SLC38A9: variants seen among roughly 807,000 people sequenced by gnomAD.
SLC38A9 encodes solute carrier family 38 member 9.
In SLC38A9, 48 loss-of-function variants were observed where a neutral mutation model predicts 62.3. The observed-to-expected ratio is 0.77, with a 90% CI of 0.61 to 0.98. The LOEUF is 0.98. Ranked by LOEUF, SLC38A9 falls within the 50% of genes least tolerant of loss-of-function variation. The pLI, the probability that SLC38A9 is intolerant of heterozygous loss-of-function variation, is 0.00. For synonymous variants in SLC38A9, 204 were observed against 227.7 expected (o/e 0.90, Z 0.94); for missense variants, 541 against 679.8 (o/e 0.80, Z 2.27).
intron 3 of SLC38A9, chr5:55,691,440 C>A: frequency 9.9e-7 from 1 of 1,008,240 alleles, no homozygotes; most frequent in Non-Finnish European, 1.3e-6. Context: ...ATCCCTAGGC[C>A]CTGGGGAAAA....
Position 55,652,575 on chromosome 5 carries a change from C to A in SLC38A9, c.906G>T (p.Leu302=). Reference sequence around the variant, plus strand: ...AAAATGAAGGAGACTTGAAATTGAGCAGTGGGAGGAGGAGCCCTACAAGAT... The same window carrying A: ...AAAATGAAGGAGACTTGAAATTGAGAAGTGGGAGGAGGAGCCCTACAAGAT... The part of the protein sequence containing the change: ...PFYLVGLLLP[L]LNFKSPSFFS... The change falls in exon 10 of 16, where the codon CTG becomes CTT. Residue 302 remains leucine (L), a synonymous_variant. Transcript: ENST00000396865. 2 of 1,606,600 alleles carry A rather than the reference C, an allele frequency of 1.2e-6. No homozygotes were observed. Among genetic ancestry groups the A allele is most frequent in the Non-Finnish European group, 1.7e-6 (2 of 1,176,462 alleles).
At chr5:55,710,856 G>A (rs1757936974) in intron 2 of SLC38A9, among the ~76,000 whole-genome samples, 1 of 151,578 alleles carries the variant, frequency 6.6e-6, no homozygotes, top group South Asian at 2.1e-4. Flanking sequence ...TTGACCTCGT[G>A]ATCTGCCTGC....
At chr5:55,664,255 G>C (rs1047217111) in intron 8 of SLC38A9, among the ~76,000 whole-genome samples, 3 of 152,004 alleles carry the variant, frequency 2.0e-5, no homozygotes, top group African/African-American at 7.2e-5. Context: ...TAGCTGATTT[G>C]GGTAAATTAT....
chr5:55,692,183 A>C (rs1286905650), intron 3 of SLC38A9, among the ~76,000 whole-genome samples: 1 of 152,238 alleles, frequency 6.6e-6, no homozygotes, highest in Non-Finnish European at 1.5e-5. Context: ...TTAGAAAAAA[A>C]GCATAAACAA....
At chr5:55,632,377 G>T (rs867173205) in intron 14 of SLC38A9, among the ~76,000 whole-genome samples, 1 of 152,316 alleles carries the variant, frequency 6.6e-6, no homozygotes, top group African/African-American at 2.4e-5. Context: ...GGTGGAGCTT[G>T]CAGTGAGCCG....
intron 3 of SLC38A9, among the ~76,000 whole-genome samples, chr5:55,686,989 A>C (rs1452669849): frequency 6.7e-6 from 1 of 150,368 alleles, no homozygotes; most frequent in Non-Finnish European, 1.5e-5. Flanking sequence ...CTGTTCTTGT[A>C]CCAGTACCAT....
intron 8 of SLC38A9, among the ~76,000 whole-genome samples, chr5:55,660,567 T>G (rs1749346974): frequency 6.6e-6 from 1 of 152,216 alleles, no homozygotes; most frequent in African/African-American, 2.4e-5. Context: ...AATTAAGACT[T>G]GTTTATTTCA....
Position 55,626,060 on chromosome 5 carries a change from C to A in SLC38A9, c.*434G>T, listed in dbSNP as rs964317752. The A allele has an allele frequency of 6.5e-6, 1 of 154,428 alleles. No individual in the cohort carries two copies. Among genetic ancestry groups the A allele is most frequent in the African/African-American group, 2.4e-5 (1 of 41,426 alleles). The allele number at this position is 154,428 out of a possible 1,614,324, so 9.6% of individuals were successfully genotyped here. ...AAACAGTAGAGGTTTGGGCAAACTG[C>A]AGAAATGGTCTAGTAAGTAAGAAAA... On this transcript the variant is annotated 3_prime_UTR_variant, in exon 16 of 16. Coordinates refer to ENST00000396865, the MANE Select transcript of SLC38A9 (RefSeq NM_173514.4).
chr5:55,669,514 G>T, intron 6 of SLC38A9, 43 bp downstream of exon 6: 1 of 1,531,392 alleles, frequency 6.5e-7, no homozygotes, highest in South Asian at 1.2e-5. Flanking sequence ...AATATAAAGA[G>T]AAAAACATTT....
chr5:55,702,093 AG>A (rs1382621534), intron 2 of SLC38A9, among the ~76,000 whole-genome samples: 1 of 152,236 alleles, frequency 6.6e-6, no homozygotes, highest in Non-Finnish European at 1.5e-5. Flanking sequence ...ATGAAACAGT[AG>A]GAAGAAAATA....
chr5:55,672,005 G>A (rs572328605), intron 4 of SLC38A9, among the ~76,000 whole-genome samples: 58 of 152,160 alleles, frequency 3.8e-4, no homozygotes, highest in African/African-American at 1.4e-3. Context: ...GAGCCATCAT[G>A]CTTGGCTAAT....
intron 3 of SLC38A9, among the ~76,000 whole-genome samples, chr5:55,689,447 A>G (rs1471755583): frequency 6.6e-6 from 1 of 152,190 alleles, no homozygotes; most frequent in Admixed American, 6.5e-5. Context: ...CATCAATTCA[A>G]TAATATTTGG....
chr5:55,660,596 AAAG>A (rs1424299717), intron 8 of SLC38A9, among the ~76,000 whole-genome samples: 1 of 152,200 alleles, frequency 6.6e-6, no homozygotes, highest in East Asian at 1.9e-4. Flanking sequence ...ATTCTATCTA[AAAG>A]AAGAACTATA....
At chr5:55,700,341 T>TA (rs1435040510) in intron 2 of SLC38A9, among the ~76,000 whole-genome samples, 1 of 62,520 alleles carries the variant, frequency 1.6e-5, no homozygotes. Context: ...AGACCCCAAT[T>TA]AAAAAAAATA....
intron 2 of SLC38A9, among the ~76,000 whole-genome samples, chr5:55,698,352 G>T (rs1756203312): frequency 6.6e-6 from 1 of 152,192 alleles, no homozygotes; most frequent in South Asian, 2.1e-4. Flanking sequence ...TGAAATTAAA[G>T]AACCAAGAGA....
chr5:55,647,537 GATCT>G (rs1254659575), intron 11 of SLC38A9, among the ~76,000 whole-genome samples: 2 of 152,136 alleles, frequency 1.3e-5, no homozygotes, highest in Non-Finnish European at 2.9e-5. Context: ...AATAAAATAA[GATCT>G]ATTAGTTTTC....
chr5:55,671,725 G>A (rs1008239386), intron 4 of SLC38A9, among the ~76,000 whole-genome samples: 1 of 152,032 alleles, frequency 6.6e-6, no homozygotes, highest in African/African-American at 2.4e-5. Context: ...GCGCACACCT[G>A]TAACCCCAGC....
At position 55,678,168 on chromosome 5, in the gene SLC38A9, T is replaced by C. The variant is rs114027883; in HGVS notation, c.114-5473A>G. Among the ~76,000 whole-genome samples, 1,405 of 146,048 alleles carry C rather than the reference T, an allele frequency of 9.6e-3. 20 individuals carry two copies. Among genetic ancestry groups the C allele is most frequent in the African/African-American group, 0.034 (1,346 of 39,760 alleles). On this transcript the variant is annotated intron_variant, in intron 3 of 15. Coordinates refer to ENST00000396865, the MANE Select transcript of SLC38A9 (RefSeq NM_173514.4). ...TTTTTCTTTTTTTGAGACAGTCTTG[T>C]TCTGTCTTGCCCAGGATGGAGAGCA...
chr5:55,653,649 G>C (rs1747912241), intron 9 of SLC38A9, among the ~76,000 whole-genome samples: 1 of 151,814 alleles, frequency 6.6e-6, no homozygotes, highest in East Asian at 1.9e-4. Flanking sequence ...TGGGAAATCA[G>C]TAAAATGTAT....
Sources: gnomAD v4.1 joint callset for allele counts (sites outside exome capture counted in the v4.1 genomes callset) on GRCh38, gnomAD v4.1.1 for gene constraint, MANE v1.5 for transcripts, NCBI Gene and HGNC (gene_info 2026-07-23, HGNC 2026-07-21) for gene names.